The following KLHL29 variants were observed in gnomAD, a reference collection of about 807,000 sequenced individuals.
KLHL29 encodes kelch like family member 29.
Under a neutral mutation model 80.4 loss-of-function variants are expected in KLHL29, and 21 were observed. The observed-to-expected ratio is 0.26, with a 90% CI of 0.19 to 0.38. The LOEUF is 0.38. KLHL29 is among the 10% of genes least tolerant of loss of function. The pLI is 1.00. For synonymous variants in KLHL29, 511 were observed against 526.8 expected, an observed-to-expected ratio of 0.97 and a Z score of 0.41; for missense variants, 867 against 1,223.9, an observed-to-expected ratio of 0.71 and a Z score of 4.35.
At chr2:23,692,608 G>A (rs538018113) in intron 7 of KLHL29, among the ~76,000 whole-genome samples, 151 of 152,280 alleles carry the variant, frequency 9.9e-4, no homozygotes, top group African/African-American at 3.4e-3. Flanking sequence ...TGAGGCTCGC[G>A]CACAGATGGG....
chr2:23,510,375 C>G (rs1182341057), intron 2 of KLHL29, among the ~76,000 whole-genome samples: 1 of 152,188 alleles, frequency 6.6e-6, no homozygotes, highest in African/African-American at 2.4e-5. Context: ...AGGACACCCT[C>G]CCTTAGCTCA....
chr2:23,516,617 T>A (rs1010722305), intron 2 of KLHL29, among the ~76,000 whole-genome samples: 39 of 152,330 alleles, frequency 2.6e-4, no homozygotes, highest in African/African-American at 9.1e-4. Flanking sequence ...TTGATGGCTT[T>A]GTCTCTACAG....
rs892334986 is a variant in KLHL29, at chr2:23,423,307, ACTGACCTCCCGGGC to A, written c.-154+37538_-154+37551del. Among the ~76,000 whole-genome samples the A allele has an allele frequency of 3.0e-4, 46 of 152,262 alleles. No individual in the cohort carries two copies. The Middle Eastern group carries it at 0.017, about 56-fold the overall frequency. On this transcript the variant is annotated intron_variant, in intron 1 of 13. Coordinates refer to ENST00000486442, the MANE Select transcript of KLHL29 (RefSeq NM_052920.2). ...GTCTGCTGCGTGGTCAGCCTGGCCG[ACTGACCTCCCGGGC>A]CTGACCTCCCCAGGCCGTGCCTCCC...
At chr2:23,390,929 C>T (rs1666305715) in intron 1 of KLHL29, among the ~76,000 whole-genome samples, 1 of 152,228 alleles carries the variant, frequency 6.6e-6, no homozygotes, top group Non-Finnish European at 1.5e-5. Flanking sequence ...GCTGGGATTA[C>T]AGGCATGAGC....
intron 6 of KLHL29, among the ~76,000 whole-genome samples, chr2:23,686,391 G>A (rs973594896): frequency 3.3e-5 from 5 of 152,162 alleles, no homozygotes; most frequent in African/African-American, 4.8e-5. Context: ...GCCTGACTCC[G>A]CCGCTTGTCT....
At chr2:23,527,919 C>T (rs765884616) in intron 2 of KLHL29, among the ~76,000 whole-genome samples, 2 of 152,192 alleles carry the variant, frequency 1.3e-5, no homozygotes, top group Non-Finnish European at 2.9e-5. Context: ...GCCAGGAGAT[C>T]AAGGTGCAAG....
chr2:23,462,243 A>G (rs1664235063), intron 1 of KLHL29, among the ~76,000 whole-genome samples: 1 of 152,036 alleles, frequency 6.6e-6, no homozygotes, highest in Admixed American at 6.5e-5. Context: ...TTTTGAAAAC[A>G]TTGGCAGAGT....
At chr2:23,704,332 A>C (rs1244888049) in intron 13 of KLHL29, among the ~76,000 whole-genome samples, 1 of 152,210 alleles carries the variant, frequency 6.6e-6, no homozygotes. Flanking sequence ...AAAAGCACAC[A>C]CAAACCCACC....
At chr2:23,663,720 C>T (rs187074039) in intron 5 of KLHL29, among the ~76,000 whole-genome samples, 1 of 152,328 alleles carries the variant, frequency 6.6e-6, no homozygotes, top group East Asian at 1.9e-4. Context: ...TAAACTTCCT[C>T]TGGTAGAATC....
At position 23,512,384 on chromosome 2, in the gene KLHL29, G is replaced by A. The variant is rs536059925; in HGVS notation, c.-46+36717G>A. On this transcript the variant is annotated intron_variant, in intron 2 of 13. Coordinates refer to ENST00000486442, the MANE Select transcript of KLHL29 (RefSeq NM_052920.2). ...TGCTTGAACCTGGGAGGTGGAGGTT[G>A]CTGTGAGCAGAGATCGCGCCATTGC... Among the ~76,000 whole-genome samples the A allele has an allele frequency of 3.3e-5, 5 of 151,904 alleles. No homozygotes were observed. The East Asian group carries it at 7.8e-4, about 24-fold the overall frequency.
intron 2 of KLHL29, among the ~76,000 whole-genome samples, chr2:23,554,723 G>T (rs1293218489): frequency 1.3e-5 from 2 of 152,184 alleles, no homozygotes; most frequent in Non-Finnish European, 2.9e-5. Context: ...AGGGCTGCTG[G>T]ACACTGTTCC....
chr2:23,544,725 G>A (rs951875853), intron 2 of KLHL29, among the ~76,000 whole-genome samples: 8 of 152,332 alleles, frequency 5.3e-5, no homozygotes, highest in Middle Eastern at 3.4e-3. Flanking sequence ...AACGCTGGCC[G>A]TGTGGATAGT....
In KLHL29 at chr2:23,706,977, T is replaced by C. The variant is rs1309395522; in HGVS notation, c.*313T>C. The C allele has an allele frequency of 8.1e-6, 2 of 245,618 alleles. No individual in the cohort carries two copies. Among genetic ancestry groups the C allele is most frequent in the African/African-American group, 4.5e-5 (2 of 44,618 alleles). The allele number at this position is 245,618 out of a possible 1,614,324, so 15.2% of individuals were successfully genotyped here. A position where few individuals can be genotyped will look rare whatever the true frequency, so the allele number is the denominator to read the frequency against. On this transcript the variant is annotated 3_prime_UTR_variant, in exon 14 of 14. Transcript: ENST00000486442. Reference sequence around the variant, plus strand: ...TTTTTCAACTGGGAGAGAGAAGCTGTTTTTTCCTTCCTGCAGAGCAAGCTT... The same window carrying C: ...TTTTTCAACTGGGAGAGAGAAGCTGCTTTTTCCTTCCTGCAGAGCAAGCTT...
At chr2:23,493,768 T>C (rs904722105) in intron 2 of KLHL29, among the ~76,000 whole-genome samples, 1 of 152,136 alleles carries the variant, frequency 6.6e-6, no homozygotes, top group African/African-American at 2.4e-5. Flanking sequence ...GCCTTCTCCA[T>C]AGGGACAGGA....
chr2:23,531,794 A>G (rs1666498462), intron 2 of KLHL29, among the ~76,000 whole-genome samples: 1 of 152,342 alleles, frequency 6.6e-6, no homozygotes, highest in South Asian at 2.1e-4. Context: ...CCTTAAAGGA[A>G]ATCCTTCTGG....
rs564321964 is a variant in KLHL29, at chr2:23,566,712, C to T, written c.285+4231C>T. Reference sequence around the variant, plus strand: ...CTTAGAAGCTGAGTATGTCTCTGAACCTCAGTTTCTTTGTCTCTAAGAATT... The same window carrying T: ...CTTAGAAGCTGAGTATGTCTCTGAATCTCAGTTTCTTTGTCTCTAAGAATT... On this transcript the variant is annotated intron_variant, in intron 3 of 13. Transcript: ENST00000486442. 8.0e-4 allele frequency among the ~76,000 whole-genome samples: 122 copies of T among 152,292 alleles called. 1 individual carries two copies. The highest frequency in any genetic ancestry group is 2.9e-3 in the African/African-American group (121 of 41,546).
intron 1 of KLHL29, among the ~76,000 whole-genome samples, 164 bp downstream of exon 1, chr2:23,385,944 G>A (rs895993951): frequency 3.9e-5 from 6 of 151,954 alleles, no homozygotes; most frequent in Non-Finnish European, 5.9e-5. Flanking sequence ...AGCCTCCCGC[G>A]TCTGGACTCG....
chr2:23,681,188 A>G lies in KLHL29; in HGVS notation c.941-3211A>G, dbSNP rs779022194. Among the ~76,000 whole-genome samples the G allele has an allele frequency of 2.0e-5, 3 of 152,258 alleles. No individual in the cohort carries two copies. The highest frequency in any genetic ancestry group is 1.9e-4 in the East Asian group (1 of 5,192). On this transcript the variant is annotated intron_variant, in intron 5 of 13. Transcript: ENST00000486442. This position sits in a 1 kb window ranked among gnomAD's most constrained non-coding sequence, Gnocchi z 4.2. ...GGCAGCAGCCCGCACACACCAGCCA[A>G]TCGATACTAGGAATGCACTTGGGGC... is the stretch of plus-strand genomic sequence containing the variant.
intron 5 of KLHL29, 22 bp downstream of exon 5, chr2:23,642,872 C>G (rs1669812144): frequency 1.3e-6 from 2 of 1,550,130 alleles, no homozygotes; most frequent in South Asian, 2.4e-5. Context: ...TGCCACGTGC[C>G]TCCCCACGGG....
Sources: gnomAD v4.1 joint callset for allele counts (sites outside exome capture counted in the v4.1 genomes callset) on GRCh38, gnomAD v4.1.1 for gene constraint, Gnocchi (gnomAD v3.1) non-coding constraint, MANE v1.5 for transcripts, NCBI Gene and HGNC (gene_info 2026-07-23, HGNC 2026-07-21) for gene names.